The following ZCCHC17 variants were observed in gnomAD, a reference collection of about 807,000 sequenced individuals.
ZCCHC17 encodes zinc finger CCHC-type containing 17.
ZCCHC17 carries 18 observed loss-of-function variants against 30.6 expected under a neutral mutation model. That is an observed-to-expected ratio of 0.59 (90% CI 0.41 to 0.87). The LOEUF (loss-of-function observed/expected upper bound fraction) is 0.87, where lower values mean the gene tolerates loss of function less well. Among genes scored for constraint, ZCCHC17 ranks in the 40% least tolerant of loss-of-function variants. ZCCHC17 has a pLI of 0.00. For missense variants in ZCCHC17, 263 were observed against 284.2 expected (o/e 0.93, Z 0.54); for synonymous variants, 88 against 92.4 (o/e 0.95, Z 0.27).
intron 2 of ZCCHC17, among the ~76,000 whole-genome samples, chr1:31,311,844 G>C (rs1454403254): frequency 6.6e-6 from 1 of 152,168 alleles, no homozygotes; most frequent in African/African-American, 2.4e-5. Flanking sequence ...ATTAAGAGGT[G>C]GTATTAAGAA....
intron 1 of ZCCHC17, among the ~76,000 whole-genome samples, chr1:31,301,326 C>T (rs970769915): frequency 6.6e-6 from 1 of 152,068 alleles, no homozygotes; most frequent in Non-Finnish European, 1.5e-5. Flanking sequence ...AAAAAATGTC[C>T]CTAAAAATGA....
At chr1:31,349,046 G>A (rs1247087964) in intron 7 of ZCCHC17, 72 bp downstream of exon 7, 1 of 1,498,844 alleles carries the variant, frequency 6.7e-7, no homozygotes, top group Non-Finnish European at 8.9e-7. Flanking sequence ...AAAGCCTCAT[G>A]CAGCAGTACA....
chr1:31,357,629 A>C (rs1296375904), intron 7 of ZCCHC17, among the ~76,000 whole-genome samples: 1 of 152,252 alleles, frequency 6.6e-6, no homozygotes, highest in Non-Finnish European at 1.5e-5. Context: ...AATAGTAAAA[A>C]TAATGTATCA....
At chr1:31,351,980 A>G (rs779282603) in intron 7 of ZCCHC17, among the ~76,000 whole-genome samples, 2 of 152,202 alleles carry the variant, frequency 1.3e-5, no homozygotes, top group Admixed American at 6.5e-5. Context: ...AATTTAGTTA[A>G]TAGACTGCCT....
At chr1:31,336,009 T>C (rs987400143) in intron 3 of ZCCHC17, among the ~76,000 whole-genome samples, 3 of 152,224 alleles carry the variant, frequency 2.0e-5, no homozygotes, top group Admixed American at 6.5e-5. Context: ...ATGGTTCTTA[T>C]ATATTTTTTA....
chr1:31,311,463 GTGC>G (rs1646599305), intron 2 of ZCCHC17, among the ~76,000 whole-genome samples: 1 of 152,186 alleles, frequency 6.6e-6, no homozygotes, highest in African/African-American at 2.4e-5. Context: ...TTTTTAGTCT[GTGC>G]TGCTATAACA....
intron 7 of ZCCHC17, among the ~76,000 whole-genome samples, chr1:31,349,972 T>A (rs370330084): frequency 2.6e-5 from 4 of 152,230 alleles, no homozygotes; most frequent in African/African-American, 7.2e-5. Context: ...TTTATCAAAT[T>A]GCCTTCCAGA....
intron 7 of ZCCHC17, among the ~76,000 whole-genome samples, chr1:31,363,594 C>A (rs1349222561): frequency 6.6e-6 from 1 of 152,120 alleles, no homozygotes; most frequent in Non-Finnish European, 1.5e-5. Context: ...GAGTTTGAGG[C>A]CAGCCTGGGC....
chr1:31,301,330 A>C (rs1236251483), intron 1 of ZCCHC17, among the ~76,000 whole-genome samples: 1 of 152,162 alleles, frequency 6.6e-6, no homozygotes, highest in Non-Finnish European at 1.5e-5. Context: ...AATGTCCCTA[A>C]AAATGATTTG....
intron 6 of ZCCHC17, 66 bp from the exon 7 acceptor site, chr1:31,348,763 A>G: frequency 6.3e-6 from 10 of 1,594,370 alleles, no homozygotes; most frequent in Non-Finnish European, 8.6e-6. Context: ...GACTTGGGGA[A>G]AGATTCACTT....
At chr1:31,346,892 T>G in intron 6 of ZCCHC17, 152 bp downstream of exon 6, 2 of 1,464,280 alleles carry the variant, frequency 1.4e-6, no homozygotes, top group Non-Finnish European at 1.8e-6. Flanking sequence ...CACATCAGAG[T>G]TCATGGGGTG....
chr1:31,348,979 A>T lies in ZCCHC17; in HGVS notation c.564+5A>T, dbSNP rs370848527. On this transcript the variant is annotated splice_donor_5th_base_variant and intron_variant, in intron 7 of 7. Coordinates refer to ENST00000344147, the MANE Select transcript of ZCCHC17 (RefSeq NM_016505.4). ...CCTTCTAGAAAAAGAAAGAAGGTGA[A>T]TGCTACTTTGCTTTTATTTTATCAT... 1.3e-5 allele frequency: 21 copies of T among 1,564,056 alleles called. No homozygotes were observed. In the African/African-American group the frequency reaches 2.6e-4, roughly 20 times the overall value.
intron 1 of ZCCHC17, among the ~76,000 whole-genome samples, chr1:31,309,108 A>C (rs928191720): frequency 6.6e-6 from 1 of 152,132 alleles, no homozygotes; most frequent in African/African-American, 2.4e-5. Flanking sequence ...AATTTTATCA[A>C]GAAAAAAAAA....
chr1:31,339,158 T>G (rs1328056215), intron 5 of ZCCHC17, 110 bp downstream of exon 5: 1 of 789,568 alleles, frequency 1.3e-6, no homozygotes, highest in African/African-American at 1.8e-5. Flanking sequence ...TTTGTGATAT[T>G]GATAAGTTAC....
At chr1:31,305,589 A>G (rs1462565207) in intron 1 of ZCCHC17, among the ~76,000 whole-genome samples, 2 of 152,012 alleles carry the variant, frequency 1.3e-5, no homozygotes, top group African/African-American at 4.8e-5. Flanking sequence ...ATGCCCGGCC[A>G]TAATTTTCTT....
intron 7 of ZCCHC17, among the ~76,000 whole-genome samples, chr1:31,351,485 G>A (rs57289813): frequency 0.092 from 13,956 of 151,654 alleles, 2,178 homozygotes; most frequent in African/African-American, 0.32. Flanking sequence ...GGGCATGGTG[G>A]CTCATGCCTG....
chr1:31,315,125 T>C (rs1037714485), intron 2 of ZCCHC17, among the ~76,000 whole-genome samples: 8 of 152,188 alleles, frequency 5.3e-5, no homozygotes, highest in Admixed American at 5.2e-4. Context: ...AGATCGTGAG[T>C]TACTGTAGAG....
intron 2 of ZCCHC17, among the ~76,000 whole-genome samples, chr1:31,316,290 TG>T (rs1380819283): frequency 1.3e-5 from 2 of 152,104 alleles, no homozygotes; most frequent in Non-Finnish European, 2.9e-5. Context: ...TTAGTAGAGA[TG>T]GGGTTTCACC....
rs773144869 is a variant in ZCCHC17 at position 31,337,275 on chromosome 1, G to C, written c.225G>C (p.Glu75Asp). 43 of 1,613,642 alleles carry C rather than the reference G, an allele frequency of 2.7e-5. No homozygotes were observed. Among genetic ancestry groups the C allele is most frequent in the Non-Finnish European group, 3.6e-5 (42 of 1,179,720 alleles). Residue 75 changes from glutamate (E) to aspartate (D), a missense_variant and splice_region_variant, in exon 4 of 8, where the codon GAG (glutamate) becomes GAC (aspartate). Physicochemically the swap from Glu to Asp is conservative, Grantham distance 45. Transcript: ENST00000344147. ...TGTGGGTGAAGCTTATTGGCCGAGA[G>C]GTAAAGTTCTGTGCGGCTCCCTTGT... ...DKVWVKLIGR[E>D]MKNDRIKVSL... is the part of the protein sequence containing the mutation.
Sources: gnomAD v4.1 joint callset for allele counts (sites outside exome capture counted in the v4.1 genomes callset) on GRCh38, gnomAD v4.1.1 for gene constraint, MANE v1.5 for transcripts, NCBI Gene and HGNC (gene_info 2026-07-23, HGNC 2026-07-21) for gene names.